PTPN4: variants seen among roughly 807,000 people sequenced by gnomAD.
The protein encoded by PTPN4 is tyrosine-protein phosphatase non-receptor type 4.
PTPN4 carries 49 observed loss-of-function variants against 135.5 expected under a neutral mutation model. The observed-to-expected ratio is 0.36, with a 90% CI of 0.29 to 0.46. PTPN4 has a LOEUF of 0.46. Among genes scored for constraint, PTPN4 ranks in the 20% least tolerant of loss-of-function variants. The probability of loss-of-function intolerance (pLI) is 1.00; values close to 1 mark genes in which losing one functional copy is unlikely to be tolerated. For missense variants in PTPN4, 860 were observed against 1,101.0 expected (o/e 0.78, Z 3.10); for synonymous variants, 333 against 369.9 (o/e 0.90, Z 1.14).
intron 2 of PTPN4, among the ~76,000 whole-genome samples, chr2:119,839,762 T>C (rs1224196961): frequency 2.0e-5 from 3 of 152,230 alleles, no homozygotes; most frequent in Admixed American, 1.3e-4. Context: ...ACAGGACATA[T>C]ACATTTTGCT....
At chr2:119,794,884 G>A (rs533498931) in intron 1 of PTPN4, among the ~76,000 whole-genome samples, 9 of 152,302 alleles carry the variant, frequency 5.9e-5, no homozygotes, top group East Asian at 5.8e-4. Flanking sequence ...TTTATTGAGC[G>A]ACAGAGCAGC....
chr2:119,843,587 C>T (rs1390763888), intron 2 of PTPN4, among the ~76,000 whole-genome samples: 6 of 103,942 alleles, frequency 5.8e-5, no homozygotes, highest in African/African-American at 2.6e-4. Context: ...CGCCCCTCAC[C>T]TCCCGGACGG....
At chr2:119,953,691 T>G (rs1679240167) in intron 19 of PTPN4, among the ~76,000 whole-genome samples, 1 of 152,196 alleles carries the variant, frequency 6.6e-6, no homozygotes, top group Admixed American at 6.5e-5. Flanking sequence ...TTAAAAACTT[T>G]CTGTGCACCT....
At chr2:119,882,224 G>T (rs1480020486) in intron 7 of PTPN4, 75 bp downstream of exon 7, 2 of 1,363,726 alleles carry the variant, frequency 1.5e-6, no homozygotes, top group Non-Finnish European at 2.1e-6. Context: ...GCTTCAATGT[G>T]GGAGTTCTTT....
intron 15 of PTPN4, among the ~76,000 whole-genome samples, chr2:119,940,166 C>A (rs994173542): frequency 6.6e-6 from 1 of 152,166 alleles, no homozygotes; most frequent in Non-Finnish European, 1.5e-5. Context: ...ATTGTCAGTT[C>A]TATTCTTAGA....
At chr2:119,914,060 T>G (rs570812519) in intron 10 of PTPN4, among the ~76,000 whole-genome samples, 2 of 152,198 alleles carry the variant, frequency 1.3e-5, no homozygotes, top group African/African-American at 4.8e-5. Flanking sequence ...TATTCATTGA[T>G]TGATACCTTC....
At chr2:119,885,070 C>T (rs1344258712) in intron 8 of PTPN4, among the ~76,000 whole-genome samples, 2 of 152,130 alleles carry the variant, frequency 1.3e-5, no homozygotes, top group African/African-American at 4.8e-5. Context: ...TAAATATAAA[C>T]AGTTTTGACC....
At chr2:119,900,298 C>T (rs1363296363) in intron 9 of PTPN4, among the ~76,000 whole-genome samples, 1 of 152,000 alleles carries the variant, frequency 6.6e-6, no homozygotes, top group Non-Finnish European at 1.5e-5. Context: ...TCCTTTTCAC[C>T]AAACTCTGAA....
chr2:119,910,221 G>A (rs1173870295), intron 10 of PTPN4, among the ~76,000 whole-genome samples: 1 of 151,954 alleles, frequency 6.6e-6, no homozygotes, highest in Admixed American at 6.6e-5. Context: ...ATGATCATTA[G>A]AATTTTTTAT....
At chr2:119,835,878 G>A (rs1319678589) in intron 2 of PTPN4, among the ~76,000 whole-genome samples, 1 of 151,924 alleles carries the variant, frequency 6.6e-6, no homozygotes, top group Non-Finnish European at 1.5e-5. Flanking sequence ...AACCATCCTG[G>A]CTAACACAGT....
chr2:119,797,503 AT>A (rs1374597481), intron 1 of PTPN4, among the ~76,000 whole-genome samples: 3 of 152,128 alleles, frequency 2.0e-5, no homozygotes, highest in East Asian at 1.9e-4. Flanking sequence ...AAAGTGCTCA[AT>A]TTTTTGCCAT....
intron 2 of PTPN4, among the ~76,000 whole-genome samples, chr2:119,821,606 G>A (rs1005436814): frequency 6.6e-6 from 1 of 152,042 alleles, no homozygotes; most frequent in Non-Finnish European, 1.5e-5. Flanking sequence ...TCTGGATGTT[G>A]ATAGGCACTT....
intron 10 of PTPN4, among the ~76,000 whole-genome samples, chr2:119,914,351 T>C (rs1453791745): frequency 6.9e-6 from 1 of 145,282 alleles, no homozygotes; most frequent in Non-Finnish European, 1.5e-5. Context: ...TATCCAAAAG[T>C]AAAATACAAA....
At chr2:119,772,155 A>G (rs1410215505) in intron 1 of PTPN4, among the ~76,000 whole-genome samples, 2 of 152,200 alleles carry the variant, frequency 1.3e-5, no homozygotes, top group Non-Finnish European at 2.9e-5. Context: ...AATCTTTCTA[A>G]TTTATCTTAC....
At chr2:119,905,076 G>T (rs1292029212) in intron 10 of PTPN4, among the ~76,000 whole-genome samples, 1 of 150,366 alleles carries the variant, frequency 6.7e-6, no homozygotes, top group East Asian at 1.9e-4. Context: ...ACAATAAGAG[G>T]ATGAAAGGAA....
At chr2:119,964,653 C>G (rs1679421329) in intron 24 of PTPN4, among the ~76,000 whole-genome samples, 1 of 152,046 alleles carries the variant, frequency 6.6e-6, no homozygotes, top group Non-Finnish European at 1.5e-5. Flanking sequence ...CTTTAAAATA[C>G]TTTACACATA....
chr2:119,808,084 T>C (rs1345631260), intron 1 of PTPN4, among the ~76,000 whole-genome samples: 1 of 152,182 alleles, frequency 6.6e-6, no homozygotes, highest in Non-Finnish European at 1.5e-5. Context: ...CTCAAAATAA[T>C]AAGAGCTATT....
In PTPN4 at chr2:119,946,444, A is replaced by T. The variant is rs760020962; in HGVS notation, c.1599+20A>T. 1 of 1,595,824 alleles carries T rather than the reference A, an allele frequency of 6.3e-7. No homozygotes were observed. The highest frequency in any genetic ancestry group is 8.6e-7 in the Non-Finnish European group (1 of 1,168,154). On this transcript the variant is annotated intron_variant, in intron 17 of 26. Transcript: ENST00000263708. ...GTAAAGGTAATCTGGAATTTATTTT[A>T]TACTCAGTTTTTAAATTAAGATGTT...
At chr2:119,841,110 A>G (rs895280391) in intron 2 of PTPN4, among the ~76,000 whole-genome samples, 1 of 151,420 alleles carries the variant, frequency 6.6e-6, no homozygotes, top group Non-Finnish European at 1.5e-5. Context: ...CCATTTGTCA[A>G]TTTTTGCTTT....
Sources: allele counts gnomAD v4.1 joint callset (sites outside exome capture counted in the v4.1 genomes callset), GRCh38; gene constraint gnomAD v4.1.1; transcripts MANE v1.5; gene names NCBI Gene and HGNC (gene_info 2026-07-23, HGNC 2026-07-21).